ZNF343: variants seen among roughly 807,000 people sequenced by gnomAD.
ZNF343 encodes zinc finger protein 343.
In ZNF343, 11 loss-of-function variants were observed where a neutral mutation model predicts 13.8. That is an observed-to-expected ratio of 0.80 (90% CI 0.50 to 1.32). The LOEUF (loss-of-function observed/expected upper bound fraction) is 1.32. Among genes scored for constraint, ZNF343 ranks in the 40% most tolerant of loss-of-function variants. The pLI is 0.00. For synonymous variants in ZNF343, 248 were observed against 260.0 expected (o/e 0.95, Z 0.44); for missense variants, 658 against 714.2 (o/e 0.92, Z 0.90).
rs149860498 is a variant in ZNF343 at position 2,483,571 on chromosome 20, G to T, written c.1390C>A (p.Pro464Thr). 5.4e-5 allele frequency: 87 copies of T among 1,612,392 alleles called. No individual in the cohort carries two copies. Among genetic ancestry groups the T allele is most frequent in the South Asian group, 2.7e-4 (25 of 91,008 alleles). Residue 464 changes from proline to threonine, a missense_variant, in exon 6 of 6, where the codon CCT (proline) becomes ACT (threonine). Physicochemically the swap from Pro to Thr is conservative, Grantham distance 38. Coordinates refer to ENST00000278772, the MANE Select transcript of ZNF343 (RefSeq NM_024325.6). ...IHERTHSGEK[P>T]YVCGECGRGF... ...CGGCCACACTCACCACACACATAAG[G>T]CTTCTCTCCAGAGTGCGTCCGCTCG...
intron 2 of ZNF343, among the ~76,000 whole-genome samples, chr20:2,499,435 A>T (rs2085520748): frequency 1.0e-5 from 1 of 95,676 alleles, no homozygotes; most frequent in Non-Finnish European, 2.2e-5. Context: ...ACTGCACTCC[A>T]GCCTGGGCGA....
intron 1 of ZNF343, among the ~76,000 whole-genome samples, chr20:2,506,318 G>A (rs1283331589): frequency 2.6e-5 from 4 of 152,160 alleles, no homozygotes; most frequent in African/African-American, 9.7e-5. Flanking sequence ...AGGATGTGGA[G>A]AAATAGGAAC....
intron 4 of ZNF343, chr20:2,493,160 C>A: frequency 2.1e-6 from 1 of 476,342 alleles, no homozygotes; most frequent in South Asian, 2.3e-5. Flanking sequence ...GATGAAACAG[C>A]AGAGAATGGG....
At chr20:2,510,667 G>T (rs2085733574), upstream of ZNF343, among the ~76,000 whole-genome samples, 1 of 152,158 alleles carries the variant, frequency 6.6e-6, no homozygotes, top group Non-Finnish European at 1.5e-5. Flanking sequence ...TGTTAGTACT[G>T]GGCAGAATCT....
intron 5 of ZNF343, among the ~76,000 whole-genome samples, chr20:2,490,549 T>C (rs1013582346): frequency 1.4e-4 from 21 of 151,400 alleles, no homozygotes; most frequent in African/African-American, 5.1e-4. Flanking sequence ...TTTTGTTTTT[T>C]TTTTTGAGAT....
chr20:2,490,239 T>C (rs185608320), intron 5 of ZNF343, among the ~76,000 whole-genome samples: 3 of 152,212 alleles, frequency 2.0e-5, no homozygotes, highest in African/African-American at 7.2e-5. Context: ...GGGAAACTCA[T>C]TCAAGTTCTC....
intron 1 of ZNF343, among the ~76,000 whole-genome samples, chr20:2,501,558 C>G (rs1284740648): frequency 5.9e-5 from 9 of 152,260 alleles, no homozygotes; most frequent in African/African-American, 2.2e-4. Context: ...TGGGAGGCAC[C>G]CCCCAGTAGG....
chr20:2,489,969 T>A (rs1353395721), intron 5 of ZNF343, among the ~76,000 whole-genome samples: 2 of 138,386 alleles, frequency 1.4e-5, no homozygotes, highest in Non-Finnish European at 3.1e-5. Context: ...CTGGACAACA[T>A]GGCAAAACCC....
chr20:2,499,710 A>G (rs2085528272), intron 2 of ZNF343, among the ~76,000 whole-genome samples: 1 of 152,154 alleles, frequency 6.6e-6, no homozygotes, highest in South Asian at 2.1e-4. Context: ...AATTTCAGGA[A>G]GAACAAGGAG....
intron 1 of ZNF343, among the ~76,000 whole-genome samples, chr20:2,516,404 A>T (rs1356687336): frequency 6.6e-6 from 1 of 151,990 alleles, no homozygotes; most frequent in Non-Finnish European, 1.5e-5. Context: ...TGTTAATGTC[A>T]GGCTGAGGGT....
At chr20:2,485,562 T>C (rs2085269373) in intron 5 of ZNF343, among the ~76,000 whole-genome samples, 1 of 152,196 alleles carries the variant, frequency 6.6e-6, no homozygotes. Flanking sequence ...GGAATGCTAG[T>C]TTTCAAACCT....
upstream of ZNF343, among the ~76,000 whole-genome samples, chr20:2,511,838 C>T (rs1547066): frequency 0.51 from 78,050 of 152,024 alleles, 21,681 homozygotes; most frequent in African/African-American, 0.73. Flanking sequence ...ACTGAAAACT[C>T]TTCCCCTAAG....
intron 1 of ZNF343, among the ~76,000 whole-genome samples, chr20:2,517,368 A>G (rs770374228): frequency 5.3e-5 from 1 of 18,852 alleles, no homozygotes; most frequent in African/African-American, 1.4e-3. Context: ...ATATGTGTGT[A>G]TATATATATA....
At chr20:2,523,265 C>T (rs2085789991) in intron 1 of ZNF343, among the ~76,000 whole-genome samples, 1 of 152,182 alleles carries the variant, frequency 6.6e-6, no homozygotes, top group South Asian at 2.1e-4. Flanking sequence ...CCGAGAATTG[C>T]CCACCCCTTT....
chr20:2,494,268 C>T (rs190105132), intron 2 of ZNF343, among the ~76,000 whole-genome samples: 3 of 152,214 alleles, frequency 2.0e-5, no homozygotes, highest in Non-Finnish European at 2.9e-5. Context: ...TCAAACTTTA[C>T]TTCTTCTGCC....
intron 1 of ZNF343, among the ~76,000 whole-genome samples, chr20:2,503,995 C>A (rs1258781814): frequency 6.6e-6 from 1 of 152,132 alleles, no homozygotes; most frequent in Non-Finnish European, 1.5e-5. Context: ...CACAAAAAAA[C>A]CTTCAAAAAA....
intron 1 of ZNF343, among the ~76,000 whole-genome samples, chr20:2,515,877 G>A (rs1458025367): frequency 2.6e-5 from 4 of 152,126 alleles, no homozygotes; most frequent in South Asian, 2.1e-4. Flanking sequence ...GCGATGATCC[G>A]TATCTGCATC....
chr20:2,497,456 G>C (rs1451155494), intron 2 of ZNF343, among the ~76,000 whole-genome samples: 1 of 152,202 alleles, frequency 6.6e-6, no homozygotes, highest in Non-Finnish European at 1.5e-5. Context: ...TACAGTACTG[G>C]AGCCAAGTGA....
At chr20:2,500,973 G>T (rs1264370069) in intron 1 of ZNF343, among the ~76,000 whole-genome samples, 1 of 152,164 alleles carries the variant, frequency 6.6e-6, no homozygotes, top group Non-Finnish European at 1.5e-5. Context: ...CAGGACAGTG[G>T]GTGCAGAGCA....
Sources: gnomAD v4.1 joint callset for allele counts (sites outside exome capture counted in the v4.1 genomes callset) on GRCh38, gnomAD v4.1.1 for gene constraint, MANE v1.5 for transcripts, NCBI Gene and HGNC (gene_info 2026-07-23, HGNC 2026-07-21) for gene names.